Variants in HPD observed in about 807,000 individuals in gnomAD.
HPD encodes 4-hydroxyphenylpyruvate dioxygenase, also known as 4-hydroxyphenylpyruvic acid oxidase.
HPD carries 35 observed loss-of-function variants against 56.9 expected under a neutral mutation model. The ratio of observed to expected loss-of-function variants is 0.62; its 90% confidence interval spans 0.47 to 0.82. HPD has a LOEUF of 0.82. Ranked by LOEUF, HPD falls within the 40% of genes least tolerant of loss-of-function variation. HPD has a pLI of 0.00. For synonymous variants in HPD, 186 were observed against 200.2 expected (o/e 0.93, Z 0.60); for missense variants, 442 against 506.8 (o/e 0.87, Z 1.23).
At chr12:121,879,290 A>C in the HPD span, among the ~76,000 whole-genome samples, 2 of 152,006 alleles carry the variant, frequency 1.3e-5, no homozygotes, top group African/African-American at 4.8e-5. Flanking sequence ...TAAATAAATA[A>C]ATAATTAATT....
chr12:121,851,695 A>AT (rs1566571716), intron 7 of HPD, among the ~76,000 whole-genome samples: 1 of 1,986 alleles, frequency 5.0e-4, no homozygotes, highest in Admixed American at 2.3e-3. Context: ...TTATTTATTT[A>AT]TTTATTTTTT....
chr12:121,848,967 C>T lies in HPD; in HGVS notation c.596+32G>A, dbSNP rs1238217975. On this transcript the variant is annotated intron_variant, in intron 9 of 13. Coordinates refer to ENST00000289004, the MANE Select transcript of HPD (RefSeq NM_002150.3). The stretch of plus-strand genomic sequence containing the variant: ...CCAGTCCACCGTGAGGACCCGTCAT[C>T]TTCACGCAGAGGGAGAGGGCCAAGG... 4 of 1,557,080 alleles carry T rather than the reference C, an allele frequency of 2.6e-6. No individual in the cohort carries two copies. The Admixed American group carries it at 5.0e-5, about 19-fold the overall frequency.
Position 121,857,759 on chromosome 12 carries a change from G to C in HPD, c.91C>G (p.Gln31Glu). 1 of 1,613,576 alleles carries C rather than the reference G, an allele frequency of 6.2e-7. No individual in the cohort carries two copies. Among genetic ancestry groups the C allele is most frequent in the Non-Finnish European group, 8.5e-7 (1 of 1,179,540 alleles). The part of the protein sequence containing the change: ...SVTFWVGNAK[Q>E]ATSFYCSKMG... The stretch of plus-strand genomic sequence containing the variant: ...CAGCACCTTGCCCCGGCTTCTACCT[G>C]CTTGGCGTTGCCAACCCAGAAGGTC... The change falls in exon 3 of 14, where the codon CAG (glutamine) becomes GAG (glutamate). Residue 31 changes from glutamine (Q) to glutamate (E), a missense_variant and splice_region_variant. Transcript: ENST00000289004.
chr12:121,882,937 A>G, the HPD span, among the ~76,000 whole-genome samples: 1 of 152,112 alleles, frequency 6.6e-6, no homozygotes, highest in African/African-American at 2.4e-5. Flanking sequence ...CATGTTGGCC[A>G]GGCTGGTCTT....
chr12:121,871,746 G>A, the HPD span, among the ~76,000 whole-genome samples: 1 of 152,188 alleles, frequency 6.6e-6, no homozygotes, highest in East Asian at 1.9e-4. Flanking sequence ...GGTGGCACGG[G>A]ACATAGGACC....
At chr12:121,865,605 G>A (rs1292056140), upstream of HPD, among the ~76,000 whole-genome samples, 14 of 148,744 alleles carry the variant, frequency 9.4e-5, no homozygotes, top group Admixed American at 8.8e-4. Context: ...AAAAAAAAAA[G>A]AAAGAAAATA....
At chr12:121,847,599 G>A (rs1877630079) in intron 9 of HPD, among the ~76,000 whole-genome samples, 1 of 152,132 alleles carries the variant, frequency 6.6e-6, no homozygotes, top group Non-Finnish European at 1.5e-5. Flanking sequence ...ATGCAGTGAC[G>A]CAATCTCGGC....
At position 121,840,117 on chromosome 12, in the gene HPD, G is replaced by T; in HGVS notation, c.955-69C>A. 3 of 1,015,938 alleles carry T rather than the reference G, an allele frequency of 3.0e-6. No homozygotes were observed. In the Admixed American group the frequency reaches 5.1e-5, roughly 17 times the overall value. The allele number at this position is 1,015,938 out of a possible 1,614,324, so 62.9% of individuals were successfully genotyped here. The stretch of plus-strand genomic sequence containing the variant: ...TGAGATCCTTGGAAAGTCCACAGGG[G>T]CTCCTGCACCCCAAAAGTCTGGAAA... On this transcript the variant is annotated intron_variant, in intron 12 of 13. Coordinates refer to ENST00000289004, the MANE Select transcript of HPD (RefSeq NM_002150.3).
chr12:121,879,331 G>A, the HPD span, among the ~76,000 whole-genome samples: 199 of 151,842 alleles, frequency 1.3e-3, no homozygotes, highest in African/African-American at 4.0e-3. Flanking sequence ...TGGTTGGGGC[G>A]GGGTGGGGGG....
rs1347403182 is a variant in HPD at position 121,849,192 on chromosome 12, T to G, written c.519-116A>C. 8.4e-6 allele frequency: 6 copies of G among 713,048 alleles called. No individual in the cohort carries two copies. The Admixed American group carries it at 8.6e-5, about 10-fold the overall frequency. The allele number at this position is 713,048 out of a possible 1,614,324, so 44.2% of individuals were successfully genotyped here. Reference sequence around the variant, plus strand: ...CTTCTGTTTTTGGAGTTCTATTTTTTTGTAGAGATGGAGTCTCTACAAAAA... The same window carrying G: ...CTTCTGTTTTTGGAGTTCTATTTTTGTGTAGAGATGGAGTCTCTACAAAAA... On this transcript the variant is annotated intron_variant, in intron 8 of 13. Coordinates refer to ENST00000289004, the MANE Select transcript of HPD (RefSeq NM_002150.3).
chr12:121,868,206 C>A (rs1179723031), upstream of HPD, among the ~76,000 whole-genome samples: 1 of 152,146 alleles, frequency 6.6e-6, no homozygotes, highest in Non-Finnish European at 1.5e-5. Context: ...CCCAAACAAA[C>A]AACACTGCTT....
intron 10 of HPD, 21 bp from the exon 11 acceptor site, chr12:121,846,954 G>C: frequency 6.2e-7 from 1 of 1,613,676 alleles, no homozygotes; most frequent in Non-Finnish European, 8.5e-7. Flanking sequence ...GAAACAAGGA[G>C]ACCACTGTCA....
At chr12:121,860,570 A>C (rs960265319), upstream of HPD, among the ~76,000 whole-genome samples, 28 of 152,250 alleles carry the variant, frequency 1.8e-4, no homozygotes, top group African/African-American at 6.7e-4. Flanking sequence ...CCCCTCCCTG[A>C]TGCTCTCTGT....
At chr12:121,854,642 G>T in intron 7 of HPD, 61 bp downstream of exon 7, 1 of 1,150,724 alleles carries the variant, frequency 8.7e-7, no homozygotes, top group Non-Finnish European at 1.3e-6. Context: ...TCAGCTGCGG[G>T]GCTCCTGGCA....
At chr12:121,846,176 G>A (rs1304662349) in intron 11 of HPD, among the ~76,000 whole-genome samples, 2 of 152,164 alleles carry the variant, frequency 1.3e-5, no homozygotes, top group Non-Finnish European at 2.9e-5. Context: ...TGGGACTACA[G>A]GCATAAGCCA....
upstream of HPD, among the ~76,000 whole-genome samples, chr12:121,866,512 C>T (rs1023807305): frequency 5.9e-5 from 9 of 151,884 alleles, no homozygotes; most frequent in Non-Finnish European, 2.9e-5. Context: ...AACATGCCAA[C>T]GGTTCTCAGC....
chr12:121,882,616 C>T, the HPD span, among the ~76,000 whole-genome samples: 1 of 152,156 alleles, frequency 6.6e-6, no homozygotes, highest in African/African-American at 2.4e-5. Context: ...GTGCATGGGA[C>T]AGACAGGTAA....
Position 121,839,736 on chromosome 12 carries a change from C to G in HPD, c.1174G>C (p.Gly392Arg). ...CGTGGGGTGGGCGGGGCTTACATGC[C>G]GGGCACCACCCCATTGGTCTCCATG... Reference protein sequence around the residue: ...TNMETNGVVPGM With the variant: ...TNMETNGVVPRM The change falls in exon 14 of 14, where the codon GGC (glycine) becomes CGC (arginine). Residue 392 changes from glycine to arginine, a missense_variant. By Grantham distance (125) the Gly-to-Arg change is moderately radical (BLOSUM62 -2). Coordinates refer to ENST00000289004, the MANE Select transcript of HPD (RefSeq NM_002150.3). 1.9e-6 allele frequency: 3 copies of G among 1,611,798 alleles called. No homozygotes were observed. In the East Asian group the frequency reaches 6.7e-5, roughly 36 times the overall value.
chr12:121,851,344 A>T (rs548745077), intron 7 of HPD, among the ~76,000 whole-genome samples: 44 of 140,342 alleles, frequency 3.1e-4, no homozygotes, highest in African/African-American at 7.4e-4. Context: ...TTTATTTTTT[A>T]AAATTTTTAT....
Sources: gnomAD v4.1 joint callset for allele counts (sites outside exome capture counted in the v4.1 genomes callset) on GRCh38, gnomAD v4.1.1 for gene constraint, MANE v1.5 for transcripts, NCBI Gene and HGNC (gene_info 2026-07-23, HGNC 2026-07-21) for gene names.